Variants in EPHA6 observed in about 807,000 individuals in gnomAD.
EPHA6 encodes the protein EPH receptor A6, also known as ephrin type-A receptor 6.
Under a neutral mutation model 112.0 loss-of-function variants are expected in EPHA6, and 50 were observed. The ratio of observed to expected loss-of-function variants is 0.45; its 90% CI spans 0.36 to 0.56. The LOEUF (loss-of-function observed/expected upper bound fraction) is 0.56. EPHA6 is among the 20% of genes least tolerant of loss of function. EPHA6 has a pLI of 0.00. For missense variants in EPHA6, 1,280 were observed against 1,417.4 expected (o/e 0.90, Z 1.56); for synonymous variants, 529 against 490.7 (o/e 1.08, Z -1.03).
At chr3:97,412,931 C>G (rs905990548) in intron 6 of EPHA6, among the ~76,000 whole-genome samples, 6 of 151,526 alleles carry the variant, frequency 4.0e-5, no homozygotes, top group African/African-American at 7.3e-5. Context: ...TCACAATGTC[C>G]CTTTTAAGCA....
intron 11 of EPHA6, chr3:97,572,718 T>G (rs1001658606): frequency 6.6e-6 from 1 of 152,168 alleles, no homozygotes; most frequent in Non-Finnish European, 1.5e-5. Context: ...AGAGACCAAC[T>G]TTCCTGAGGT....
At chr3:97,041,080 G>A (rs190983627) in intron 3 of EPHA6, among the ~76,000 whole-genome samples, 8 of 152,040 alleles carry the variant, frequency 5.3e-5, no homozygotes, top group East Asian at 1.9e-4. Context: ...ATGAATTAGC[G>A]TACTGTTTGT....
intron 3 of EPHA6, chr3:97,010,051 C>A: frequency 7.7e-7 from 1 of 1,297,256 alleles, no homozygotes; most frequent in Non-Finnish European, 1.0e-6. Flanking sequence ...GGCCCCACCC[C>A]GAAACAGTAA....
chr3:96,892,175 C>T (rs1163540620), intron 2 of EPHA6, among the ~76,000 whole-genome samples: 1 of 152,162 alleles, frequency 6.6e-6, no homozygotes, highest in Admixed American at 6.5e-5. Context: ...AATACACACA[C>T]ACCTCTCTGT....
chr3:97,219,541 G>C (rs915798804), intron 3 of EPHA6, among the ~76,000 whole-genome samples: 1 of 152,096 alleles, frequency 6.6e-6, no homozygotes, highest in Non-Finnish European at 1.5e-5. Flanking sequence ...CTGTACCTTG[G>C]CCCCTTTTAG....
chr3:97,467,856 A>G (rs1043480903), intron 7 of EPHA6, among the ~76,000 whole-genome samples: 7 of 151,694 alleles, frequency 4.6e-5, no homozygotes, highest in African/African-American at 1.7e-4. Flanking sequence ...TCATTAATGA[A>G]CACAAGAATC....
At chr3:97,361,223 A>G (rs2084353595) in intron 5 of EPHA6, among the ~76,000 whole-genome samples, 2 of 152,212 alleles carry the variant, frequency 1.3e-5, no homozygotes, top group African/African-American at 4.8e-5. Context: ...AACTATCAGT[A>G]AGAAACCGTG....
chr3:97,534,534 A>C (rs1207456550), intron 11 of EPHA6, among the ~76,000 whole-genome samples: 1 of 151,178 alleles, frequency 6.6e-6, no homozygotes, highest in East Asian at 1.9e-4. Flanking sequence ...GAATTGAACA[A>C]CATTAAATAA....
chr3:96,995,671 A>G (rs2043392516), intron 3 of EPHA6, among the ~76,000 whole-genome samples: 1 of 152,204 alleles, frequency 6.6e-6, no homozygotes, highest in African/African-American at 2.4e-5. Context: ...TGAATATAAA[A>G]GTTATATTTA....
intron 3 of EPHA6, among the ~76,000 whole-genome samples, chr3:97,215,104 C>CA (rs1210128505): frequency 2.0e-5 from 3 of 152,298 alleles, no homozygotes; most frequent in African/African-American, 7.2e-5. Context: ...CAGTTCCTGA[C>CA]ACACAAGACG....
At chr3:97,021,875 C>G (rs1384796000) in intron 3 of EPHA6, among the ~76,000 whole-genome samples, 1 of 152,190 alleles carries the variant, frequency 6.6e-6, no homozygotes, top group Non-Finnish European at 1.5e-5. Flanking sequence ...CTTAGATCAT[C>G]ACATGGTCGA....
At chr3:97,211,637 C>T (rs534114463) in intron 3 of EPHA6, among the ~76,000 whole-genome samples, 5 of 152,250 alleles carry the variant, frequency 3.3e-5, no homozygotes, top group Admixed American at 2.6e-4. Context: ...GACTTCCATC[C>T]TCATGAGCTA....
At chr3:96,938,657 T>C (rs1307631307) in intron 2 of EPHA6, among the ~76,000 whole-genome samples, 1 of 151,544 alleles carries the variant, frequency 6.6e-6, no homozygotes, top group Non-Finnish European at 1.5e-5. Context: ...TGAATAGGAG[T>C]GGTGAGAGAG....
At chr3:97,000,978 CT>C (rs1033662413) in intron 3 of EPHA6, among the ~76,000 whole-genome samples, 1 of 127,182 alleles carries the variant, frequency 7.9e-6, no homozygotes, top group African/African-American at 3.4e-5. Context: ...AAGCTTCTTA[CT>C]TTTTTTTTCT....
chr3:96,836,397 A>T (rs1369248058), intron 1 of EPHA6, among the ~76,000 whole-genome samples: 3 of 152,082 alleles, frequency 2.0e-5, no homozygotes, highest in African/African-American at 7.2e-5. Context: ...TTTCAGTCAC[A>T]GTTTCCTCCT....
At chr3:97,264,558 G>A (rs1170886182) in intron 5 of EPHA6, among the ~76,000 whole-genome samples, 2 of 152,182 alleles carry the variant, frequency 1.3e-5, no homozygotes, top group Non-Finnish European at 2.9e-5. Context: ...TGGACTCCTC[G>A]AAGGCCCACA....
chr3:97,445,638 A>G (rs549544871), intron 6 of EPHA6, among the ~76,000 whole-genome samples: 1 of 152,186 alleles, frequency 6.6e-6, no homozygotes, highest in African/African-American at 2.4e-5. Flanking sequence ...AAGACAACAT[A>G]TCTAACAGAA....
chr3:96,896,874 G>A (rs2038299281), intron 2 of EPHA6, among the ~76,000 whole-genome samples: 1 of 152,052 alleles, frequency 6.6e-6, no homozygotes, highest in Non-Finnish European at 1.5e-5. Context: ...TAAGCCATCT[G>A]TTTAAATTTT....
chr3:97,483,589 C>T (rs1041917566), intron 9 of EPHA6, among the ~76,000 whole-genome samples: 1 of 152,158 alleles, frequency 6.6e-6, no homozygotes, highest in African/African-American at 2.4e-5. Flanking sequence ...AGGCTTATGC[C>T]TCATTTTCCC....
Sources: allele counts gnomAD v4.1 joint callset (sites outside exome capture counted in the v4.1 genomes callset), GRCh38; gene constraint gnomAD v4.1.1; transcripts MANE v1.5; gene names NCBI Gene and HGNC (gene_info 2026-07-23, HGNC 2026-07-21).